FGFR3: variants seen among roughly 807,000 people sequenced by gnomAD.
FGFR3 encodes FGFR-3.
In FGFR3, 25 loss-of-function variants were observed where a neutral mutation model predicts 82.9. That is an observed-to-expected ratio of 0.30 (90% CI 0.22 to 0.42). The LOEUF is 0.42. Among genes scored for constraint, FGFR3 ranks in the 10% least tolerant of loss-of-function variants. The probability of loss-of-function intolerance (pLI) is 1.00; values close to 1 mark genes in which losing one functional copy is unlikely to be tolerated. For missense variants in FGFR3, 1,026 were observed against 1,161.0 expected, an observed-to-expected ratio of 0.88 and a Z score of 1.69; for synonymous variants, 620 against 516.0, an observed-to-expected ratio of 1.20 and a Z score of -2.73.
intron 2 of FGFR3, among the ~76,000 whole-genome samples, chr4:1,795,144 C>CGCTT (rs964952477): frequency 1.3e-5 from 2 of 151,938 alleles, no homozygotes; most frequent in African/African-American, 2.4e-5. Flanking sequence ...AGTGGCCCGG[C>CGCTT]GCTTGAATGT....
intron 7 of FGFR3, among the ~76,000 whole-genome samples, chr4:1,802,338 A>G (rs1163281653): frequency 1.3e-5 from 2 of 152,162 alleles, no homozygotes; most frequent in Non-Finnish European, 2.9e-5. Context: ...ACAGGAGGGC[A>G]GTGTGGCCAA....
At position 1,799,649 on chromosome 4, in the gene FGFR3, G is replaced by C. The variant is rs1031684603; in HGVS notation, c.380-98G>C. The C allele has an allele frequency of 2.6e-6, 4 of 1,566,084 alleles. No homozygotes were observed. In the African/African-American group the frequency reaches 4.0e-5, roughly 16 times the overall value. On this transcript the variant is annotated intron_variant, in intron 3 of 17. Coordinates refer to ENST00000440486, the MANE Select transcript of FGFR3 (RefSeq NM_000142.5). ...GTGGAGAGGAGGGCACCCCCAGGAA[G>C]TGCTGCCCAAATGGGGGACCCTGCC... is the stretch of plus-strand genomic sequence containing the variant.
rs1414653899 is a variant in FGFR3, at chr4:1,804,343, G to A, written c.1089G>A (p.Leu363=). The change falls in exon 9 of 18, where the codon CTG becomes CTA. Residue 363 remains leucine, a synonymous_variant. Transcript: ENST00000440486. ...WLVVLPAEEE[L]VEADEAGSVY... Reference sequence around the variant, plus strand: ...ATGTCTTTGCAGCCGAGGAGGAGCTGGTGGAGGCTGACGAGGCGGGCAGTG... The same window carrying A: ...ATGTCTTTGCAGCCGAGGAGGAGCTAGTGGAGGCTGACGAGGCGGGCAGTG... 1 of 1,609,062 alleles carries A rather than the reference G, an allele frequency of 6.2e-7. No individual in the cohort carries two copies. The highest frequency in any genetic ancestry group is 1.7e-5 in the Admixed American group (1 of 59,732).
rs1721926238 is a variant in FGFR3, at chr4:1,806,417, T to G, written c.2030+90T>G. 5 of 1,601,206 alleles carry G rather than the reference T, an allele frequency of 3.1e-6. No individual in the cohort carries two copies. The Admixed American group carries it at 8.4e-5, about 27-fold the overall frequency. On this transcript the variant is annotated intron_variant, in intron 15 of 17. Transcript: ENST00000440486. ...AGCTGCAGTCCCCAGGCCTGTGCCC[T>G]GGAGCTCCTGGGTGTGGTTTCTACC...
At chr4:1,801,578 G>A in intron 5 of FGFR3, 42 bp downstream of exon 5, 2 of 1,583,688 alleles carry the variant, frequency 1.3e-6, no homozygotes, top group Non-Finnish European at 1.7e-6. Flanking sequence ...AGGCGCGGTG[G>A]TTGCTGCCTC....
intron 7 of FGFR3, among the ~76,000 whole-genome samples, chr4:1,803,487 C>G (rs901043229): frequency 6.6e-6 from 1 of 152,270 alleles, no homozygotes; most frequent in African/African-American, 2.4e-5. Context: ...GAGGACTCGC[C>G]GGTGGAGGGG....
rs761733326 is a variant in FGFR3, at chr4:1,807,229, G to A, written c.2388G>A (p.Pro796=). The A allele has an allele frequency of 1.5e-5, 24 of 1,607,790 alleles. No individual in the cohort carries two copies. The highest frequency in any genetic ancestry group is 5.3e-5 in the African/African-American group (4 of 74,838). The change falls in exon 18 of 18, where the codon CCG becomes CCA. Residue 796 remains proline, a synonymous_variant. Coordinates refer to ENST00000440486, the MANE Select transcript of FGFR3 (RefSeq NM_000142.5). ...DSVFAHDLLP[P]APPSSGGSRT is the part of the protein sequence containing the mutation. ...TGTTTGCCCACGACCTGCTGCCCCC[G>A]GCCCCACCCAGCAGTGGGGGCTCGC...
At chr4:1,799,562 A>C (rs1363510673) in intron 3 of FGFR3, 39 bp downstream of exon 3, 9 of 1,549,768 alleles carry the variant, frequency 5.8e-6, no homozygotes, top group Non-Finnish European at 7.8e-6. Flanking sequence ...AAAGGAGCCG[A>C]GTGCCGGGCT....
chr4:1,801,950 C>T lies in FGFR3; in HGVS notation c.855C>T (p.Ile285=), dbSNP rs751184462. 4 of 1,612,834 alleles carry T rather than the reference C, an allele frequency of 2.5e-6. No homozygotes were observed. Among genetic ancestry groups the T allele is most frequent in the South Asian group, 2.2e-5 (2 of 91,086 alleles). The stretch of plus-strand genomic sequence containing the variant: ...TGTACAGTGACGCACAGCCCCACAT[C>T]CAGTGGCTCAAGCACGTGGAGGTGA... ...CKVYSDAQPH[I]QWLKHVEVNG... The change falls in exon 7 of 18, where the codon ATC becomes ATT. Residue 285 remains isoleucine, a synonymous_variant. Coordinates refer to ENST00000440486, the MANE Select transcript of FGFR3 (RefSeq NM_000142.5).
At position 1,807,962 on chromosome 4, in the gene FGFR3, C is replaced by A; in HGVS notation, c.*700C>A. On this transcript the variant is annotated 3_prime_UTR_variant, in exon 18 of 18. Transcript: ENST00000440486. ...GCTGGTACAACGGAGGCCTGCGACC[C>A]TGGGGGCACAGGAGGCAGGCATGGC... 1 of 251,908 alleles carries A rather than the reference C, an allele frequency of 4.0e-6. No individual in the cohort carries two copies. The highest frequency in any genetic ancestry group is 7.7e-6 in the Non-Finnish European group (1 of 129,478). 15.6% of individuals were successfully genotyped at this position (251,908 alleles called of 1,614,324 possible).
In FGFR3 at chr4:1,806,540, C is replaced by T. The variant is rs2108811199; in HGVS notation, c.2031-6C>T. 7 of 1,613,012 alleles carry T rather than the reference C, an allele frequency of 4.3e-6. No individual in the cohort carries two copies. The highest frequency in any genetic ancestry group is 4.2e-6 in the Non-Finnish European group (5 of 1,179,956). ...CAGGACAGCCTGACCTCACCTTCCCCTGCAGCTGGTCCTTTGGGGTCCTGC... is the reference window on the plus strand; with the variant it reads ...CAGGACAGCCTGACCTCACCTTCCCTTGCAGCTGGTCCTTTGGGGTCCTGC... On this transcript the variant is annotated splice_polypyrimidine_tract_variant and splice_region_variant and intron_variant, in intron 15 of 17. Coordinates refer to ENST00000440486, the MANE Select transcript of FGFR3 (RefSeq NM_000142.5).
rs1277169649 is a variant in FGFR3 at position 1,807,372 on chromosome 4, A to G, written c.*110A>G. On this transcript the variant is annotated 3_prime_UTR_variant, in exon 18 of 18. Transcript: ENST00000440486. The stretch of plus-strand genomic sequence containing the variant: ...AGTGCAGATGGAGAGACAGCTACAC[A>G]GAGCTTTGGTCTGTGTGTGTGTGTG... 4.8e-6 allele frequency: 7 copies of G among 1,445,754 alleles called. No individual in the cohort carries two copies. In the South Asian group the frequency reaches 7.3e-5, roughly 15 times the overall value. The allele number at this position is 1,445,754 out of a possible 1,614,324, so 89.6% of individuals were successfully genotyped here.
chr4:1,797,430 G>A (rs17880523), intron 2 of FGFR3, among the ~76,000 whole-genome samples: 688 of 152,298 alleles, frequency 4.5e-3, no homozygotes, highest in Non-Finnish European at 7.9e-3. Context: ...CACCACACAC[G>A]GGCAGATGGC....
rs571890017 is a variant in FGFR3, at chr4:1,805,219, T to C, written c.1413-136T>C. ...ACACTCTTCGTCCTTACGAGCAGGCTGTAGGGGGAGCATGGAGGGCTTCCT... is the reference window on the plus strand; with the variant it reads ...ACACTCTTCGTCCTTACGAGCAGGCCGTAGGGGGAGCATGGAGGGCTTCCT... On this transcript the variant is annotated intron_variant, in intron 10 of 17. Coordinates refer to ENST00000440486, the MANE Select transcript of FGFR3 (RefSeq NM_000142.5). The C allele has an allele frequency of 6.7e-4, 1,010 of 1,499,140 alleles. 4 individuals carry two copies. Among genetic ancestry groups the C allele is most frequent in the Middle Eastern group, 6.2e-3 (26 of 4,170 alleles). 92.9% of individuals were successfully genotyped at this position (1,499,140 alleles called of 1,614,324 possible). A position where few individuals can be genotyped will look rare whatever the true frequency, so the allele number is the denominator to read the frequency against.
At chr4:1,805,303 G>T in intron 10 of FGFR3, 52 bp from the exon 11 acceptor site, 1 of 1,603,572 alleles carries the variant, frequency 6.2e-7, no homozygotes, top group Non-Finnish European at 8.5e-7. Context: ...ACCGTGGTGG[G>T]CTGAGAGTGG....
intron 2 of FGFR3, among the ~76,000 whole-genome samples, chr4:1,795,657 G>A (rs566317428): frequency 6.6e-6 from 1 of 152,318 alleles, no homozygotes; most frequent in South Asian, 2.1e-4. Context: ...CCACTGGACT[G>A]CCCTGGCCAC....
At position 1,801,715 on chromosome 4, in the gene FGFR3, C is replaced by T. The variant is rs1457975322; in HGVS notation, c.711C>T (p.Ile237=). The T allele has an allele frequency of 1.2e-6, 2 of 1,609,248 alleles. No homozygotes were observed. The highest frequency in any genetic ancestry group is 1.7e-6 in the Non-Finnish European group (2 of 1,178,842). The change falls in exon 6 of 18, where the codon ATC becomes ATT. Residue 237 remains isoleucine, a synonymous_variant. Coordinates refer to ENST00000440486, the MANE Select transcript of FGFR3 (RefSeq NM_000142.5). The part of the protein sequence containing the change: ...TCVVENKFGS[I]RQTYTLDVLE... The stretch of plus-strand genomic sequence containing the variant: ...TCGTGGAGAACAAGTTTGGCAGCAT[C>T]CGGCAGACGTACACGCTGGACGTGC...
intron 7 of FGFR3, chr4:1,802,771 G>A (rs1452686898): frequency 9.5e-7 from 1 of 1,053,016 alleles, no homozygotes; most frequent in Non-Finnish European, 1.3e-6. Context: ...CCACCGTGAA[G>A]TGCCTCCACG....
intron 9 of FGFR3, 57 bp downstream of exon 9, chr4:1,804,577 C>T (rs1721638232): frequency 1.3e-6 from 2 of 1,595,042 alleles, no homozygotes; most frequent in Non-Finnish European, 1.7e-6. Context: ...CTCCTGGAGC[C>T]CCACCTCGGC....
Sources: allele counts gnomAD v4.1 joint callset (sites outside exome capture counted in the v4.1 genomes callset), GRCh38; gene constraint gnomAD v4.1.1; transcripts MANE v1.5; gene names NCBI Gene and HGNC (gene_info 2026-07-23, HGNC 2026-07-21).